Variants in TAOK1 observed in about 807,000 individuals in gnomAD.
The protein encoded by TAOK1 is TAO kinase 1.
In TAOK1, 21 loss-of-function variants were observed where a neutral mutation model predicts 138.3. The ratio of observed to expected loss-of-function variants is 0.15; its 90% CI spans 0.11 to 0.22. The LOEUF is 0.22. TAOK1 is among the 10% of genes least tolerant of loss of function. TAOK1 has a pLI of 1.00. For synonymous variants in TAOK1, 361 were observed against 398.4 expected (o/e 0.91, Z 1.12); for missense variants, 651 against 1,227.7 (o/e 0.53, Z 7.02).
At chr17:29,460,694 G>C (rs542643250) in intron 2 of TAOK1, among the ~76,000 whole-genome samples, 1 of 152,176 alleles carries the variant, frequency 6.6e-6, no homozygotes, top group Non-Finnish European at 1.5e-5. Context: ...ATTTCCATTT[G>C]TGAAGTAAAG....
chr17:29,428,791 AT>A (rs5819868), intron 1 of TAOK1, among the ~76,000 whole-genome samples: 84,098 of 144,560 alleles, frequency 0.58, 24,735 homozygotes, highest in East Asian at 0.96. Flanking sequence ...ACCTGACTAA[AT>A]TTTTTTTTTT....
chr17:29,546,196 G>A lies in TAOK1; in HGVS notation c.*3174G>A, dbSNP rs548642583. The A allele has an allele frequency of 6.8e-4, 103 of 152,164 alleles. No individual in the cohort carries two copies. The highest frequency in any genetic ancestry group is 2.4e-3 in the African/African-American group (100 of 41,546). 9.4% of individuals were successfully genotyped at this position (152,164 alleles called of 1,614,324 possible). A position where few individuals can be genotyped will look rare whatever the true frequency, so the allele number is the denominator to read the frequency against. On this transcript the variant is annotated 3_prime_UTR_variant, in exon 20 of 20. Coordinates refer to ENST00000261716, the MANE Select transcript of TAOK1 (RefSeq NM_020791.4). ...TTCGCCATTTCAATACCTAGAGATA[G>A]AGAGTCTTGTATTTGAAGCCACACA...
chr17:29,484,612 G>A (rs943811628), intron 8 of TAOK1, among the ~76,000 whole-genome samples: 3 of 151,500 alleles, frequency 2.0e-5, no homozygotes, highest in East Asian at 1.9e-4. Flanking sequence ...CTTTTTTTGC[G>A]GGGTGGGAGG....
intron 19 of TAOK1, among the ~76,000 whole-genome samples, chr17:29,536,992 G>A (rs771767065): frequency 1.3e-5 from 2 of 152,092 alleles, no homozygotes; most frequent in African/African-American, 4.8e-5. Flanking sequence ...GAGCCACAGC[G>A]CCCGGCCATC....
chr17:29,495,944 TCATGTTAGATTG>T (rs946159854), intron 11 of TAOK1, among the ~76,000 whole-genome samples: 1 of 152,164 alleles, frequency 6.6e-6, no homozygotes, highest in African/African-American at 2.4e-5. Context: ...AAGTCTTTAA[TCATGTTAGATTG>T]CATGCTCTAA....
chr17:29,460,178 T>G (rs1598490152), intron 2 of TAOK1, among the ~76,000 whole-genome samples: 1 of 152,230 alleles, frequency 6.6e-6, no homozygotes, highest in East Asian at 1.9e-4. Flanking sequence ...ATTATCCCAA[T>G]TCTAGAACTT....
intron 2 of TAOK1, among the ~76,000 whole-genome samples, chr17:29,460,711 C>G (rs2030511133): frequency 6.6e-6 from 1 of 152,112 alleles, no homozygotes; most frequent in Non-Finnish European, 1.5e-5. Flanking sequence ...AAAGTTTACT[C>G]TTGTATTAAT....
intron 4 of TAOK1, among the ~76,000 whole-genome samples, chr17:29,476,357 C>T (rs1235105088): frequency 6.6e-6 from 1 of 152,086 alleles, no homozygotes; most frequent in Admixed American, 6.6e-5. Context: ...GTGTTTGGTG[C>T]ATTTTTATCC....
In TAOK1 at chr17:29,461,578, T is replaced by C. The variant is rs148645455; in HGVS notation, c.133-5567T>C. On this transcript the variant is annotated intron_variant, in intron 2 of 19. Transcript: ENST00000261716. ...AGTTTTAACATTAAATAAAGAAGAA[T>C]ATGCAACATAGATTGTATGCGGCCC... Among the ~76,000 whole-genome samples, 376 of 152,220 alleles carry C rather than the reference T, an allele frequency of 2.5e-3. 3 individuals carry two copies. Among genetic ancestry groups the C allele is most frequent in the African/African-American group, 8.2e-3 (339 of 41,534 alleles).
At chr17:29,457,516 C>T (rs1256725696) in intron 2 of TAOK1, among the ~76,000 whole-genome samples, 1 of 149,898 alleles carries the variant, frequency 6.7e-6, no homozygotes, top group Non-Finnish European at 1.5e-5. Flanking sequence ...AGTGATTCTC[C>T]CACCTCAGCC....
At chr17:29,418,077 G>A (rs1412858267) in intron 1 of TAOK1, among the ~76,000 whole-genome samples, 8 of 152,126 alleles carry the variant, frequency 5.3e-5, no homozygotes, top group Middle Eastern at 3.4e-3. Context: ...TAGTAGAGAC[G>A]GGGTTTCGCC....
chr17:29,426,038 G>A (rs915830368), intron 1 of TAOK1, among the ~76,000 whole-genome samples: 3 of 152,032 alleles, frequency 2.0e-5, no homozygotes, highest in African/African-American at 7.2e-5. Flanking sequence ...CCACCACCAC[G>A]CCCAGCTAAT....
chr17:29,533,127 GGTT>G, intron 18 of TAOK1, among the ~76,000 whole-genome samples: 1 of 149,946 alleles, frequency 6.7e-6, no homozygotes, highest in Non-Finnish European at 1.5e-5. Flanking sequence ...CAGACGGGGC[GGTT>G]GCCGGGCAGA....
intron 17 of TAOK1, among the ~76,000 whole-genome samples, chr17:29,523,545 G>T (rs564401268): frequency 2.0e-5 from 3 of 152,010 alleles, no homozygotes; most frequent in Middle Eastern, 3.2e-3. Flanking sequence ...CTGCCACCAC[G>T]CCCGGCTAAT....
chr17:29,462,856 A>G (rs1304005854), intron 2 of TAOK1, among the ~76,000 whole-genome samples: 1 of 152,062 alleles, frequency 6.6e-6, no homozygotes, highest in African/African-American at 2.4e-5. Context: ...TTTTCTCTCA[A>G]CAGCATCTAG....
Position 29,517,610 on chromosome 17 carries a change from G to T in TAOK1, c.1862G>T (p.Arg621Ile). Residue 621 changes from arginine (R) to isoleucine (I), a missense_variant, in exon 16 of 20, where the codon AGA becomes ATA. Physicochemically the swap from Arg to Ile is moderately conservative, Grantham distance 97. Around this residue, in one of 8 missense-constraint regions of TAOK1, gnomAD observed 258 missense variants for 548.9 expected, o/e 0.47. Coordinates refer to ENST00000261716, the MANE Select transcript of TAOK1 (RefSeq NM_020791.4). ...LELECRRFKR[R>I]MLLGRHNLEQ... ...CTGGAATGCCGTCGCTTCAAGAGAAGAATGTTACTTGGGCGTCATAACTTA... is the reference window on the plus strand; with the variant it reads ...CTGGAATGCCGTCGCTTCAAGAGAATAATGTTACTTGGGCGTCATAACTTA... The T allele has an allele frequency of 6.2e-7, 1 of 1,613,296 alleles. No homozygotes were observed.
chr17:29,491,698 C>A, intron 9 of TAOK1, 86 bp from the exon 10 acceptor site: 1 of 913,062 alleles, frequency 1.1e-6, no homozygotes, highest in Non-Finnish European at 1.8e-6. Context: ...CATTTCCCCT[C>A]CCACCAATAG....
intron 1 of TAOK1, among the ~76,000 whole-genome samples, chr17:29,408,582 T>C (rs1302814978): frequency 6.6e-6 from 1 of 152,194 alleles, no homozygotes; most frequent in Non-Finnish European, 1.5e-5. Flanking sequence ...AAATTTTTAA[T>C]GTACAGATCA....
intron 16 of TAOK1, among the ~76,000 whole-genome samples, chr17:29,520,260 G>A (rs1384400269): frequency 1.3e-5 from 2 of 151,704 alleles, no homozygotes; most frequent in Non-Finnish European, 2.9e-5. Context: ...GAATTAAGGC[G>A]TCACAAAGCA....
Sources: gnomAD v4.1 joint callset for allele counts (sites outside exome capture counted in the v4.1 genomes callset) on GRCh38, gnomAD v4.1.1 for gene constraint, gnomAD v4.1.1 regional missense constraint, MANE v1.5 for transcripts, NCBI Gene and HGNC (gene_info 2026-07-23, HGNC 2026-07-21) for gene names.